TASP1: variants seen among roughly 807,000 people sequenced by gnomAD.
TASP1 encodes taspase 1.
Under a neutral mutation model 56.6 loss-of-function variants are expected in TASP1, and 16 were observed. That is an observed-to-expected ratio of 0.28 (90% CI 0.19 to 0.43). The LOEUF (loss-of-function observed/expected upper bound fraction) is 0.43. TASP1 is among the 20% of genes least tolerant of loss of function. The pLI, the probability that TASP1 is intolerant of heterozygous loss-of-function variation, is 1.00. For synonymous variants in TASP1, 179 were observed against 184.2 expected (o/e 0.97, Z 0.23); for missense variants, 393 against 511.6 (o/e 0.77, Z 2.24).
At chr20:13,625,706 T>C (rs1379995119) in intron 2 of TASP1, among the ~76,000 whole-genome samples, 4 of 152,232 alleles carry the variant, frequency 2.6e-5, no homozygotes, top group Non-Finnish European at 5.9e-5. Flanking sequence ...CGCTTCTGAA[T>C]AACATTTGAA....
intron 7 of TASP1, among the ~76,000 whole-genome samples, chr20:13,560,210 G>A (rs2046300449): frequency 6.6e-6 from 1 of 152,246 alleles, no homozygotes; most frequent in South Asian, 2.1e-4. Flanking sequence ...TCTGATAATG[G>A]CAGACTAAGT....
chr20:13,539,461 G>A (rs557695775), intron 8 of TASP1, among the ~76,000 whole-genome samples: 2 of 152,194 alleles, frequency 1.3e-5, no homozygotes, highest in Admixed American at 1.3e-4. Context: ...GAGGCTGGAA[G>A]ATCCCCTGTG....
the TASP1 span, among the ~76,000 whole-genome samples, chr20:13,313,373 C>A: frequency 6.6e-6 from 1 of 152,226 alleles, no homozygotes; most frequent in Non-Finnish European, 1.5e-5. Context: ...GTAGCTTACT[C>A]TTGTGTCAAT....
At chr20:13,270,623 C>T in the TASP1 span, 1 of 1,614,006 alleles carries the variant, frequency 6.2e-7, no homozygotes, top group Non-Finnish European at 8.5e-7. Flanking sequence ...GACCGCGATT[C>T]CGACAAGAGA....
intron 13 of TASP1, among the ~76,000 whole-genome samples, chr20:13,390,725 G>A (rs1398388018): frequency 6.6e-6 from 1 of 152,158 alleles, no homozygotes; most frequent in Non-Finnish European, 1.5e-5. Flanking sequence ...CAAGACCCCT[G>A]ACCGCACAGA....
chr20:13,497,726 CTT>C (rs1413963076), intron 10 of TASP1, among the ~76,000 whole-genome samples: 1 of 152,132 alleles, frequency 6.6e-6, no homozygotes, highest in Non-Finnish European at 1.5e-5. Flanking sequence ...CACTATCTGA[CTT>C]TAAATTATAC....
intron 12 of TASP1, among the ~76,000 whole-genome samples, chr20:13,417,862 A>C (rs568352922): frequency 1.6e-3 from 238 of 152,256 alleles, no homozygotes; most frequent in Non-Finnish European, 2.6e-3. Flanking sequence ...AGTGTGTTTT[A>C]TTTTAAAACA....
chr20:13,172,963 A>C, the TASP1 span, among the ~76,000 whole-genome samples: 1 of 152,184 alleles, frequency 6.6e-6, no homozygotes, highest in Non-Finnish European at 1.5e-5. Context: ...GTTGCCAAGC[A>C]ATCTCCTCCA....
the TASP1 span, among the ~76,000 whole-genome samples, chr20:13,357,191 T>G: frequency 0.05 from 7,643 of 152,038 alleles, 251 homozygotes; most frequent in Middle Eastern, 0.1. Context: ...GAAAAACATT[T>G]AATAGGCTTA....
chr20:13,446,347 G>C (rs1467835664), intron 11 of TASP1, among the ~76,000 whole-genome samples: 2 of 152,066 alleles, frequency 1.3e-5, no homozygotes, highest in African/African-American at 4.8e-5. Context: ...GGGCTAGTTG[G>C]TATTCCGCTG....
In TASP1 at chr20:13,630,023, T is replaced by C. The variant is rs759797625; in HGVS notation, c.56A>G (p.Gln19Arg). 1.2e-6 allele frequency: 2 copies of C among 1,614,030 alleles called. No homozygotes were observed. The highest frequency in any genetic ancestry group is 1.7e-6 in the Non-Finnish European group (2 of 1,179,990). The change falls in exon 2 of 14, where the codon CAG (glutamine) becomes CGG (arginine). Residue 19 changes from glutamine (Q) to arginine (R), a missense_variant. This residue lies in a region of TASP1 where 52 missense variants were observed against 51.1 expected (regional missense o/e 1.02). Coordinates refer to ENST00000337743, the MANE Select transcript of TASP1 (RefSeq NM_017714.3). The part of the protein sequence containing the change: ...SGEGLPSRSS[Q>R]VSAGKITAKE... The stretch of plus-strand genomic sequence containing the variant: ...GGCTGTTATTTTACCAGCCGAAACC[T>C]GAGATGATCTGGAAGGCAGCCCTTC...
chr20:13,273,715 A>G, the TASP1 span, among the ~76,000 whole-genome samples: 2 of 152,250 alleles, frequency 1.3e-5, no homozygotes, highest in Admixed American at 1.3e-4. Context: ...CAAATGGATT[A>G]AAAATTAATG....
At chr20:13,160,296 C>T in the TASP1 span, among the ~76,000 whole-genome samples, 1 of 152,148 alleles carries the variant, frequency 6.6e-6, no homozygotes, top group African/African-American at 2.4e-5. Flanking sequence ...TCAACAACAG[C>T]CAACACTGTG....
chr20:13,113,798 T>C, the TASP1 span, among the ~76,000 whole-genome samples: 4 of 152,134 alleles, frequency 2.6e-5, no homozygotes, highest in East Asian at 1.9e-4. Context: ...GTCTAAGAAG[T>C]TGCAACTCAG....
chr20:13,504,051 A>C (rs2044043382), intron 10 of TASP1, among the ~76,000 whole-genome samples: 2 of 152,130 alleles, frequency 1.3e-5, no homozygotes, highest in Admixed American at 1.3e-4. Flanking sequence ...TTTAAGAGTT[A>C]AAAACTACTC....
chr20:13,193,667 G>A, the TASP1 span, among the ~76,000 whole-genome samples: 5 of 152,176 alleles, frequency 3.3e-5, no homozygotes, highest in African/African-American at 7.2e-5. Context: ...GCAGTTTCTC[G>A]TATGGGTTCA....
chr20:13,111,005 A>G, the TASP1 span, among the ~76,000 whole-genome samples: 1 of 152,114 alleles, frequency 6.6e-6, no homozygotes, highest in Admixed American at 6.5e-5. Context: ...CCCTGAGTGC[A>G]CATTTTTTCT....
intron 11 of TASP1, among the ~76,000 whole-genome samples, chr20:13,468,202 AAAAC>A (rs202125868): frequency 5.9e-5 from 5 of 84,578 alleles, no homozygotes; most frequent in Non-Finnish European, 1.4e-4. Flanking sequence ...CTTGCTACTT[AAAAC>A]AAACAAAGAT....
the TASP1 span, among the ~76,000 whole-genome samples, chr20:13,349,138 G>A: frequency 6.6e-6 from 1 of 152,162 alleles, no homozygotes; most frequent in East Asian, 1.9e-4. Flanking sequence ...GGGGCCTTTT[G>A]AGGGGACAGA....
Sources: gnomAD v4.1 joint callset for allele counts (sites outside exome capture counted in the v4.1 genomes callset) on GRCh38, gnomAD v4.1.1 for gene constraint, gnomAD v4.1.1 regional missense constraint, MANE v1.5 for transcripts, NCBI Gene and HGNC (gene_info 2026-07-23, HGNC 2026-07-21) for gene names.